GRIK4: variants seen among roughly 807,000 people sequenced by gnomAD.
GRIK4 encodes glutamate ionotropic receptor kainate type subunit 4.
In GRIK4, 40 loss-of-function variants were observed where a neutral mutation model predicts 104.9. That is an observed-to-expected ratio of 0.38 (90% CI 0.30 to 0.50). The LOEUF (loss-of-function observed/expected upper bound fraction) is 0.50, where lower values mean the gene tolerates loss of function less well. Ranked by LOEUF, GRIK4 falls within the 20% of genes least tolerant of loss-of-function variation. The probability of loss-of-function intolerance (pLI) is 0.93; values close to 1 mark genes in which losing one functional copy is unlikely to be tolerated. For missense variants in GRIK4, 1,047 were observed against 1,308.1 expected, an observed-to-expected ratio of 0.80 and a Z score of 3.08; for synonymous variants, 485 against 524.9, an observed-to-expected ratio of 0.92 and a Z score of 1.04.
chr11:120,537,257 G>A (rs748626800), intron 1 of GRIK4, among the ~76,000 whole-genome samples: 5 of 152,100 alleles, frequency 3.3e-5, no homozygotes, highest in East Asian at 3.9e-4. Flanking sequence ...TGGTTGCATC[G>A]TCCTCTCTTG....
chr11:120,548,357 A>G (rs1177923016), intron 1 of GRIK4, among the ~76,000 whole-genome samples: 1 of 152,044 alleles, frequency 6.6e-6, no homozygotes, highest in Non-Finnish European at 1.5e-5. Context: ...CTTACGAAGT[A>G]GATTGTGCAA....
At chr11:120,540,964 T>G (rs1249786568) in intron 1 of GRIK4, among the ~76,000 whole-genome samples, 1 of 152,030 alleles carries the variant, frequency 6.6e-6, no homozygotes, top group African/African-American at 2.4e-5. Flanking sequence ...TGAGACCCGG[T>G]CTCTTAAAAA....
intron 11 of GRIK4, among the ~76,000 whole-genome samples, chr11:120,895,967 C>G (rs1462179772): frequency 6.6e-6 from 1 of 152,152 alleles, no homozygotes; most frequent in African/African-American, 2.4e-5. Context: ...AATAGGAGCT[C>G]CCAAGGCCAG....
chr11:120,938,839 T>G (rs1029237565), intron 13 of GRIK4, among the ~76,000 whole-genome samples: 2 of 152,232 alleles, frequency 1.3e-5, no homozygotes, highest in African/African-American at 4.8e-5. Flanking sequence ...TCAGGGCAGC[T>G]TTTTACAAAT....
At chr11:120,599,775 G>A (rs985077411) in intron 1 of GRIK4, among the ~76,000 whole-genome samples, 9 of 152,224 alleles carry the variant, frequency 5.9e-5, no homozygotes, top group Non-Finnish European at 1.0e-4. Flanking sequence ...GGAGAGAAAA[G>A]GCAGTAGGAG....
At chr11:120,553,845 G>T (rs533268306) in intron 1 of GRIK4, among the ~76,000 whole-genome samples, 2 of 152,314 alleles carry the variant, frequency 1.3e-5, no homozygotes, top group East Asian at 1.9e-4. Flanking sequence ...GGAGTAGAGT[G>T]TGCCCTCTCA....
intron 19 of GRIK4, among the ~76,000 whole-genome samples, chr11:120,980,584 G>A (rs1226082730): frequency 6.6e-6 from 1 of 152,102 alleles, no homozygotes; most frequent in Non-Finnish European, 1.5e-5. Context: ...ATGTGAGATT[G>A]GGCCTCCAAA....
At chr11:120,534,470 C>T (rs377042976) in intron 1 of GRIK4, among the ~76,000 whole-genome samples, 15 of 152,008 alleles carry the variant, frequency 9.9e-5, no homozygotes, top group East Asian at 3.9e-4. Context: ...ATGTTTAACG[C>T]GACCAAAGAG....
chr11:120,513,690 G>A lies in GRIK4; in HGVS notation c.-159+1803G>A, dbSNP rs1947688178. Among the ~76,000 whole-genome samples, 1 of 152,106 alleles carries A rather than the reference G, an allele frequency of 6.6e-6. No homozygotes were observed. Among genetic ancestry groups the A allele is most frequent in the Admixed American group, 6.5e-5 (1 of 15,272 alleles). ...GCCCGGGCTTGCCCACCAGCCTCCC[G>A]CCTGCCTCACCAGCTCCACCCCTCT... On this transcript the variant is annotated intron_variant, in intron 1 of 20. Transcript: ENST00000527524. This position sits in a 1 kb window ranked among gnomAD's most constrained non-coding sequence, Gnocchi z 4.5.
intron 3 of GRIK4, among the ~76,000 whole-genome samples, chr11:120,735,988 G>A (rs1168845873): frequency 6.6e-6 from 1 of 152,128 alleles, no homozygotes; most frequent in East Asian, 1.9e-4. Flanking sequence ...GCCTAGGCCT[G>A]GACTCAGGGA....
chr11:120,866,841 G>A (rs929560489), intron 9 of GRIK4, among the ~76,000 whole-genome samples: 1 of 152,128 alleles, frequency 6.6e-6, no homozygotes, highest in Non-Finnish European at 1.5e-5. Flanking sequence ...TGCTGAGGAC[G>A]GCAGGGCTCC....
At chr11:120,805,737 C>T (rs553474924) in intron 4 of GRIK4, among the ~76,000 whole-genome samples, 1 of 152,316 alleles carries the variant, frequency 6.6e-6, no homozygotes, top group Non-Finnish European at 1.5e-5. Flanking sequence ...CAGCCCAGTT[C>T]TTTCCCTCCC....
chr11:120,675,795 G>A (rs1399765864), intron 3 of GRIK4, among the ~76,000 whole-genome samples: 1 of 152,148 alleles, frequency 6.6e-6, no homozygotes, highest in African/African-American at 2.4e-5. Context: ...ATGGAAAATA[G>A]GTAGGACAGT....
intron 1 of GRIK4, among the ~76,000 whole-genome samples, chr11:120,541,122 T>C (rs576448722): frequency 6.6e-6 from 1 of 152,390 alleles, no homozygotes; most frequent in East Asian, 1.9e-4. Context: ...TGTGCTGTGC[T>C]AGTTCACACA....
At chr11:120,544,449 G>T (rs4936519) in intron 1 of GRIK4, among the ~76,000 whole-genome samples, 32,879 of 151,944 alleles carry the variant, frequency 0.22, 4,484 homozygotes, top group Admixed American at 0.38. Flanking sequence ...TCTAGTCTCA[G>T]CCTCCTGAGT....
intron 3 of GRIK4, among the ~76,000 whole-genome samples, chr11:120,728,721 A>G (rs73012320): frequency 0.035 from 5,347 of 152,208 alleles, 123 homozygotes; most frequent in East Asian, 0.093. Flanking sequence ...TAAATGGGGT[A>G]TTCATCCCCT....
chr11:120,581,448 A>G (rs1948579257), intron 1 of GRIK4, among the ~76,000 whole-genome samples: 1 of 152,228 alleles, frequency 6.6e-6, no homozygotes, highest in South Asian at 2.1e-4. Flanking sequence ...TATCTCAACC[A>G]TTTTAAATGT....
intron 1 of GRIK4, among the ~76,000 whole-genome samples, chr11:120,570,895 A>G (rs998931792): frequency 6.6e-6 from 1 of 152,256 alleles, no homozygotes; most frequent in African/African-American, 2.4e-5. Context: ...ATTTACAACT[A>G]TTGTGAAACA....
At chr11:120,848,178 G>A (rs1953894814) in intron 8 of GRIK4, among the ~76,000 whole-genome samples, 1 of 152,186 alleles carries the variant, frequency 6.6e-6, no homozygotes, top group Non-Finnish European at 1.5e-5. Flanking sequence ...TGAGGGGGCA[G>A]GGGATGTAGT....
Sources: allele counts gnomAD v4.1 joint callset (sites outside exome capture counted in the v4.1 genomes callset), GRCh38; gene constraint gnomAD v4.1.1; non-coding constraint Gnocchi (gnomAD v3.1); transcripts MANE v1.5; gene names NCBI Gene and HGNC (gene_info 2026-07-23, HGNC 2026-07-21).